Variants in TMEM132D observed in about 807,000 individuals in gnomAD.
The protein encoded by TMEM132D is mature OL transmembrane protein.
Under a neutral mutation model 62.3 loss-of-function variants are expected in TMEM132D, and 21 were observed. The observed-to-expected ratio is 0.34, with a 90% CI of 0.24 to 0.49. The LOEUF (loss-of-function observed/expected upper bound fraction) is 0.49, where lower values mean the gene tolerates loss of function less well. Ranked by LOEUF, TMEM132D falls within the 20% of genes least tolerant of loss-of-function variation. The pLI, the probability that TMEM132D is intolerant of heterozygous loss-of-function variation, is 0.99. For synonymous variants in TMEM132D, 621 were observed against 575.6 expected (o/e 1.08, Z -1.13); for missense variants, 1,346 against 1,402.8 (o/e 0.96, Z 0.65).
rs138028552 is a variant in TMEM132D, at chr12:129,672,024, G to A, written c.968+27786C>T. On this transcript the variant is annotated intron_variant, in intron 2 of 8. Coordinates refer to ENST00000422113, the MANE Select transcript of TMEM132D (RefSeq NM_133448.3). ...CTCCAGCAAAAGAATTCTGCCTCGT[G>A]GTAATGACCTGATCGTGCAAAAATG... Among the ~76,000 whole-genome samples the A allele has an allele frequency of 2.0e-3, 307 of 152,302 alleles. 2 individuals are homozygous for A. Among genetic ancestry groups the A allele is most frequent in the African/African-American group, 7.0e-3 (292 of 41,558 alleles).
chr12:129,548,013 G>A (rs1013962893), intron 2 of TMEM132D, among the ~76,000 whole-genome samples: 2 of 152,140 alleles, frequency 1.3e-5, no homozygotes, highest in Admixed American at 6.5e-5. Flanking sequence ...TCTTCATAGG[G>A]AGCATGGATC....
At chr12:129,186,911 A>G (rs1220273920) in intron 5 of TMEM132D, among the ~76,000 whole-genome samples, 1 of 152,232 alleles carries the variant, frequency 6.6e-6, no homozygotes, top group East Asian at 1.9e-4. Flanking sequence ...CATTTTAGAC[A>G]CACTATTTTT....
intron 2 of TMEM132D, among the ~76,000 whole-genome samples, chr12:129,661,865 T>C (rs915991189): frequency 6.6e-6 from 1 of 152,216 alleles, no homozygotes; most frequent in African/African-American, 2.4e-5. Context: ...CTAGGTGTGT[T>C]GTATAGGATA....
chr12:129,094,410 A>C (rs1875031460), intron 5 of TMEM132D, among the ~76,000 whole-genome samples: 1 of 152,224 alleles, frequency 6.6e-6, no homozygotes, highest in Non-Finnish European at 1.5e-5. Context: ...ACATTTATGC[A>C]GCCAAAAGAC....
chr12:129,338,314 C>A (rs1419612808), intron 3 of TMEM132D, among the ~76,000 whole-genome samples: 1 of 151,968 alleles, frequency 6.6e-6, no homozygotes, highest in Non-Finnish European at 1.5e-5. Flanking sequence ...CAGAAACAGG[C>A]AACGTGTGCA....
At chr12:129,528,727 C>T (rs993345020) in intron 3 of TMEM132D, among the ~76,000 whole-genome samples, 11 of 152,346 alleles carry the variant, frequency 7.2e-5, no homozygotes, top group Admixed American at 2.6e-4. Context: ...AGAGATATGG[C>T]CTAATTCTAG....
chr12:129,566,451 G>A (rs1047348325), intron 2 of TMEM132D, among the ~76,000 whole-genome samples: 9 of 152,088 alleles, frequency 5.9e-5, no homozygotes, highest in South Asian at 2.1e-4. Flanking sequence ...GGGGTCAGAC[G>A]TGCCTCATTA....
intron 3 of TMEM132D, among the ~76,000 whole-genome samples, chr12:129,415,525 G>A (rs995219043): frequency 6.6e-6 from 1 of 152,232 alleles, no homozygotes; most frequent in African/African-American, 2.4e-5. Context: ...TGCCAGAGAT[G>A]AGATTTGCTT....
At chr12:129,537,972 G>A (rs566483405) in intron 2 of TMEM132D, among the ~76,000 whole-genome samples, 8 of 152,138 alleles carry the variant, frequency 5.3e-5, no homozygotes, top group Non-Finnish European at 8.8e-5. Context: ...TCATCGACGC[G>A]GCACACAGGC....
Position 129,539,468 on chromosome 12 carries a change from G to A in TMEM132D, c.969-8263C>T, listed in dbSNP as rs543626536. 3.8e-4 allele frequency among the ~76,000 whole-genome samples: 57 copies of A among 149,098 alleles called. No homozygotes were observed. The South Asian group carries it at 4.9e-3, about 13-fold the overall frequency. On this transcript the variant is annotated intron_variant, in intron 2 of 8. Transcript: ENST00000422113. ...CACCCAGACTGGAGTGCAATGGCGC[G>A]ATCTCAGCTCACTGCAAGCTCCACC...
rs778341098 is a variant in TMEM132D, at chr12:129,700,031, C to T, written c.747G>A (p.Gly249=). 5.6e-6 allele frequency: 9 copies of T among 1,613,866 alleles called. No homozygotes were observed. The Admixed American group carries it at 1.0e-4, about 18-fold the overall frequency. The part of the protein sequence containing the change: ...CVREDARRSN[G]IRTGHSDIDE... ...CGATGTCACTGTGGCCTGTCCGGAT[C>T]CCATTGCTTCTCCTCGCGTCTTCCC... Residue 249 remains glycine (G), a synonymous_variant, in exon 2 of 9, where the codon GGG becomes GGA. Transcript: ENST00000422113.
chr12:129,177,597 A>C (rs778814083), intron 5 of TMEM132D, among the ~76,000 whole-genome samples: 1 of 152,150 alleles, frequency 6.6e-6, no homozygotes, highest in Non-Finnish European at 1.5e-5. Context: ...ATCTCTACAA[A>C]AAATGAAAAA....
chr12:129,182,634 C>T (rs1362210394), intron 5 of TMEM132D, among the ~76,000 whole-genome samples: 3 of 152,208 alleles, frequency 2.0e-5, no homozygotes, highest in Non-Finnish European at 4.4e-5. Flanking sequence ...CTGATGGAGG[C>T]TAATCTGCTT....
chr12:129,247,373 A>C (rs1327771482), intron 4 of TMEM132D, among the ~76,000 whole-genome samples: 3 of 152,182 alleles, frequency 2.0e-5, no homozygotes, highest in Non-Finnish European at 4.4e-5. Flanking sequence ...CCAAACGCCC[A>C]ACTTGTCCCT....
At chr12:129,583,682 G>A (rs1417706295) in intron 2 of TMEM132D, among the ~76,000 whole-genome samples, 4 of 152,226 alleles carry the variant, frequency 2.6e-5, no homozygotes, top group Admixed American at 6.5e-5. Context: ...AGAAAGACCC[G>A]TGGGGGGTGA....
intron 3 of TMEM132D, among the ~76,000 whole-genome samples, chr12:129,388,707 A>AATT (rs1871205078): frequency 8.1e-6 from 1 of 123,140 alleles, no homozygotes. Context: ...CAGCACTGAT[A>AATT]ATATTAACAC....
At chr12:129,493,044 G>A (rs115170712) in intron 3 of TMEM132D, among the ~76,000 whole-genome samples, 1,739 of 152,232 alleles carry the variant, frequency 0.011, 37 homozygotes, top group African/African-American at 0.04. Flanking sequence ...GGGAATCCAC[G>A]CCCTCCTAAA....
chr12:129,786,416 C>A (rs1871249171), intron 1 of TMEM132D, among the ~76,000 whole-genome samples: 2 of 152,126 alleles, frequency 1.3e-5, no homozygotes, highest in African/African-American at 4.8e-5. Flanking sequence ...GAAAATGGGG[C>A]CTGCTTTTGT....
intron 2 of TMEM132D, among the ~76,000 whole-genome samples, chr12:129,620,462 G>A (rs973523080): frequency 2.6e-5 from 4 of 152,170 alleles, no homozygotes; most frequent in African/African-American, 9.7e-5. Context: ...AGCTGGGTAT[G>A]GTGGCACATG....
Sources: allele counts gnomAD v4.1 joint callset (sites outside exome capture counted in the v4.1 genomes callset), GRCh38; gene constraint gnomAD v4.1.1; transcripts MANE v1.5; gene names NCBI Gene and HGNC (gene_info 2026-07-23, HGNC 2026-07-21).